The following TRIM13 variants were observed in gnomAD, a reference collection of about 807,000 sequenced individuals.
TRIM13 encodes the protein tripartite motif containing 13, also known as E3 ubiquitin-protein ligase TRIM13.
A neutral mutation model predicts 27.1 loss-of-function variants in TRIM13; 15 were observed. That is an observed-to-expected ratio of 0.55 (90% confidence interval 0.37 to 0.85). The LOEUF (loss-of-function observed/expected upper bound fraction) is 0.85, where lower values mean the gene tolerates loss of function less well. Ranked by LOEUF, TRIM13 falls within the 40% of genes least tolerant of loss-of-function variation. The probability of loss-of-function intolerance (pLI) is 0.00; values close to 1 mark genes in which losing one functional copy is unlikely to be tolerated. For missense variants in TRIM13, 402 were observed against 472.2 expected (o/e 0.85, Z 1.38); for synonymous variants, 193 against 171.5 (o/e 1.13, Z -0.98).
At position 50,014,336 on chromosome 13, in the gene TRIM13, A is replaced by T. The variant is rs1324215695; in HGVS notation, c.*1172A>T. On this transcript the variant is annotated 3_prime_UTR_variant, in exon 2 of 2. Transcript: ENST00000378182. Reference sequence around the variant, plus strand: ...ACCAAAAAAAAAAAAAAAAAAAAAAAAAAAAAAAATATATATATATATATA... The same window carrying T: ...ACCAAAAAAAAAAAAAAAAAAAAAATAAAAAAAAATATATATATATATATA... 379 of 61,670 alleles carry T rather than the reference A, an allele frequency of 6.1e-3. 6 individuals are homozygous for T. Among genetic ancestry groups the T allele is most frequent in the African/African-American group, 0.018 (282 of 16,052 alleles). 3.8% of individuals were successfully genotyped at this position (61,670 alleles called of 1,614,324 possible).
In TRIM13 at chr13:50,015,109, A is replaced by T. The variant is rs1876335955; in HGVS notation, c.*1945A>T. 3.9e-4 allele frequency: 5 copies of T among 12,938 alleles called. 1 individual carries two copies. Among genetic ancestry groups the T allele is most frequent in the Non-Finnish European group, 6.6e-4 (3 of 4,528 alleles). 0.8% of individuals were successfully genotyped at this position (12,938 alleles called of 1,614,324 possible). On this transcript the variant is annotated 3_prime_UTR_variant, in exon 2 of 2. Transcript: ENST00000378182. ...AAAAAAAAAAAATATATATATATATATATATATATATATATATATATATAT... is the reference window on the plus strand; with the variant it reads ...AAAAAAAAAAAATATATATATATATTTATATATATATATATATATATATAT...
At position 50,013,247 on chromosome 13, in the gene TRIM13, T is replaced by C; in HGVS notation, c.*83T>C. On this transcript the variant is annotated 3_prime_UTR_variant, in exon 2 of 2. Transcript: ENST00000378182. ...GTAATTCAGATTTGGTCAACGATTC[T>C]AGTCACATATTTTCCTCCAAAAGTA... 1 of 1,323,176 alleles carries C rather than the reference T, an allele frequency of 7.6e-7. No individual in the cohort carries two copies. 82.0% of individuals were successfully genotyped at this position (1,323,176 alleles called of 1,614,324 possible).
chr13:50,007,488 CAA>C (rs1469454855), intron 1 of TRIM13, among the ~76,000 whole-genome samples: 9 of 64,372 alleles, frequency 1.4e-4, no homozygotes, highest in Admixed American at 3.5e-4. Flanking sequence ...GACTCTGTCT[CAA>C]AAAAAAAAAA....
In TRIM13 at chr13:50,012,519, G is replaced by A; in HGVS notation, c.579G>A (p.Leu193=). Residue 193 remains leucine, a synonymous_variant, in exon 2 of 2, where the codon CTG becomes CTA. Transcript: ENST00000378182. ...TTTTTGAGAAGTTACAACACACACT[G>A]GATCAAAAGAAGAATGAAATTCTGT... ...KEFFEKLQHT[L]DQKKNEILSD... The A allele has an allele frequency of 6.2e-7, 1 of 1,613,966 alleles. No individual in the cohort carries two copies. The highest frequency in any genetic ancestry group is 1.1e-5 in the South Asian group (1 of 91,062).
In TRIM13 at chr13:50,012,317, A is replaced by G. The variant is rs761108330; in HGVS notation, c.377A>G (p.His126Arg). The change falls in exon 2 of 2, where the codon CAT becomes CGT. Residue 126 changes from histidine (H) to arginine (R), a missense_variant. Transcript: ENST00000378182. ...ICATRGEHTK[H>R]VFCSIEDAYA... ...GCTACTCGTGGGGAGCACACCAAAC[A>G]TGTCTTCTGTTCTATTGAAGATGCC... is the stretch of plus-strand genomic sequence containing the variant. The G allele has an allele frequency of 1.9e-6, 3 of 1,614,022 alleles. No homozygotes were observed. Among genetic ancestry groups the G allele is most frequent in the African/African-American group, 1.3e-5 (1 of 74,914 alleles).
In TRIM13 at chr13:50,016,125, T is replaced by TA. The variant is rs548964661; in HGVS notation, c.*2966dup. The stretch of plus-strand genomic sequence containing the variant: ...GTATACCAGTTTGTGATGTTTTCTC[T>TA]AAAAACTTGAAGTTCCTCAGGCCTG... On this transcript the variant is annotated 3_prime_UTR_variant, in exon 2 of 2. Transcript: ENST00000378182. The TA allele has an allele frequency of 5.1e-5, 70 of 1,364,938 alleles. No individual in the cohort carries two copies. In the South Asian group the frequency reaches 8.5e-4, roughly 16 times the overall value. 84.6% of individuals were successfully genotyped at this position (1,364,938 alleles called of 1,614,324 possible).
intron 1 of TRIM13, among the ~76,000 whole-genome samples, chr13:49,999,849 A>G (rs955485334): frequency 6.6e-6 from 1 of 152,216 alleles, no homozygotes; most frequent in Non-Finnish European, 1.5e-5. Context: ...CATTTTATGA[A>G]TAAGAATACT....
rs1320482011 is a variant in TRIM13, at chr13:49,997,546, GT to G, written c.-222del. On this transcript the variant is annotated 5_prime_UTR_variant, in exon 1 of 2. The change abolishes the stop of an existing upstream ORF in the 5' untranslated region. Coordinates refer to ENST00000378182, the MANE Select transcript of TRIM13 (RefSeq NM_213590.3). ...TACAAAGAGCTCCAGGCTCCTGGCG[GT>G]TCACCAGGTCTAAACAGCCGGGCTT... 1 of 152,188 alleles carries G rather than the reference GT, an allele frequency of 6.6e-6. No homozygotes were observed. Among genetic ancestry groups the G allele is most frequent in the Non-Finnish European group, 1.5e-5 (1 of 68,062 alleles). The allele number at this position is 152,188 out of a possible 1,614,324, so 9.4% of individuals were successfully genotyped here. A position where few individuals can be genotyped will look rare whatever the true frequency, so the allele number is the denominator to read the frequency against.
intron 1 of TRIM13, among the ~76,000 whole-genome samples, chr13:50,000,154 C>A (rs1046081972): frequency 2.6e-5 from 4 of 152,054 alleles, no homozygotes; most frequent in African/African-American, 9.7e-5. Context: ...ATTTTAAACT[C>A]GGGTAGGTAT....
intron 1 of TRIM13, among the ~76,000 whole-genome samples, chr13:49,999,045 C>G (rs962369886): frequency 5.3e-5 from 8 of 150,482 alleles, no homozygotes; most frequent in Admixed American, 1.3e-4. Context: ...CCTGCTGTAT[C>G]TGGAAGCCAG....
At chr13:50,000,155 G>A (rs902135766) in intron 1 of TRIM13, among the ~76,000 whole-genome samples, 1 of 152,122 alleles carries the variant, frequency 6.6e-6, no homozygotes, top group Middle Eastern at 3.4e-3. Context: ...TTTTAAACTC[G>A]GGTAGGTATG....
intron 1 of TRIM13, among the ~76,000 whole-genome samples, chr13:50,004,388 T>C (rs1041532293): frequency 6.6e-6 from 1 of 151,930 alleles, no homozygotes; most frequent in African/African-American, 2.4e-5. Flanking sequence ...CACCTGAGCC[T>C]GGGGAGGTCA....
At chr13:50,004,806 T>C (rs564002149) in intron 1 of TRIM13, among the ~76,000 whole-genome samples, 1 of 148,426 alleles carries the variant, frequency 6.7e-6, no homozygotes, top group Non-Finnish European at 1.5e-5. Flanking sequence ...CCAGGTGCGG[T>C]GGCTCACGCC....
chr13:49,999,452 T>C (rs1004087228), intron 1 of TRIM13, among the ~76,000 whole-genome samples: 11 of 152,184 alleles, frequency 7.2e-5, no homozygotes, highest in Non-Finnish European at 1.5e-4. Context: ...TGTGTGTCCA[T>C]GTCCTGAATT....
At chr13:50,005,821 G>C (rs1051490524) in intron 1 of TRIM13, among the ~76,000 whole-genome samples, 1 of 149,704 alleles carries the variant, frequency 6.7e-6, no homozygotes, top group Non-Finnish European at 1.5e-5. Context: ...GGGTTCAAGC[G>C]ATTCTCCTGC....
intron 1 of TRIM13, among the ~76,000 whole-genome samples, chr13:50,001,941 C>T (rs541356894): frequency 8.5e-5 from 13 of 152,102 alleles, no homozygotes; most frequent in Admixed American, 3.9e-4. Context: ...TTTTCATATA[C>T]CTTTTAAAAT....
chr13:50,016,863 CT>C lies in TRIM13; in HGVS notation c.*3715del, dbSNP rs34862097. The C allele has an allele frequency of 0.83, 123,701 of 149,466 alleles. 50,835 individuals carry two copies. The highest frequency in any genetic ancestry group is 0.99 in the East Asian group (4,780 of 4,826). 9.3% of individuals were successfully genotyped at this position (149,466 alleles called of 1,614,324 possible). Reference sequence around the variant, plus strand: ...CTTTATTGGTATCATTTAAAATATACTTTTTTTTTTTTTTTTGGTAAAGGTA... The same window carrying C: ...CTTTATTGGTATCATTTAAAATATACTTTTTTTTTTTTTTTGGTAAAGGTA... On this transcript the variant is annotated 3_prime_UTR_variant, in exon 2 of 2. Coordinates refer to ENST00000378182, the MANE Select transcript of TRIM13 (RefSeq NM_213590.3).
Position 50,015,365 on chromosome 13 carries a change from C to CT in TRIM13, c.*2202dup. 4 of 723,292 alleles carry CT rather than the reference C, an allele frequency of 5.5e-6. No individual in the cohort carries two copies. The South Asian group carries it at 5.7e-5, about 10-fold the overall frequency. 44.8% of individuals were successfully genotyped at this position (723,292 alleles called of 1,614,324 possible). On this transcript the variant is annotated 3_prime_UTR_variant, in exon 2 of 2. Transcript: ENST00000378182. ...TACCTTACAGTAGTTTCCTGGGAAT[C>CT]TAAGTCTGGTTTTTGTTATTCTTCC...
At chr13:50,000,082 C>T (rs754783726) in intron 1 of TRIM13, among the ~76,000 whole-genome samples, 40 of 152,246 alleles carry the variant, frequency 2.6e-4, no homozygotes, top group African/African-American at 8.7e-4. Flanking sequence ...CCATTTATTG[C>T]CTATACATAT....
Sources: allele counts gnomAD v4.1 joint callset (sites outside exome capture counted in the v4.1 genomes callset), GRCh38; gene constraint gnomAD v4.1.1; transcripts MANE v1.5; gene names NCBI Gene and HGNC (gene_info 2026-07-23, HGNC 2026-07-21).